TNIK: variants seen among roughly 807,000 people sequenced by gnomAD.
The protein encoded by TNIK is TRAF2 and NCK interacting kinase, also known as TRAF2 and NCK-interacting protein kinase.
A neutral mutation model predicts 191.3 loss-of-function variants in TNIK; 49 were observed. That is an observed-to-expected ratio of 0.26 (90% CI 0.20 to 0.32). The LOEUF (loss-of-function observed/expected upper bound fraction) is 0.32. Among genes scored for constraint, TNIK ranks in the 10% least tolerant of loss-of-function variants. The pLI is 1.00. For synonymous variants in TNIK, 594 were observed against 600.9 expected, an observed-to-expected ratio of 0.99 and a Z score of 0.17; for missense variants, 1,155 against 1,702.3, an observed-to-expected ratio of 0.68 and a Z score of 5.66.
chr3:171,161,400 C>T (rs1263166175), intron 10 of TNIK, 64 bp from the exon 11 acceptor site: 25 of 1,448,610 alleles, frequency 1.7e-5, no homozygotes, highest in Admixed American at 3.6e-5. Flanking sequence ...AGCCCAACCC[C>T]GTCTCTTATA....
At chr3:171,150,607 TG>T (rs1204826966) in intron 12 of TNIK, among the ~76,000 whole-genome samples, 1 of 152,238 alleles carries the variant, frequency 6.6e-6, no homozygotes, top group Non-Finnish European at 1.5e-5. Context: ...CAAGAAATAC[TG>T]ATAAGATAAT....
chr3:171,319,101 C>G (rs572620091), intron 2 of TNIK, among the ~76,000 whole-genome samples: 5 of 152,204 alleles, frequency 3.3e-5, no homozygotes, highest in African/African-American at 1.2e-4. Context: ...ATTTCTGGAG[C>G]CCGGGATTTC....
At chr3:171,435,178 A>G (rs1725883421) in intron 1 of TNIK, among the ~76,000 whole-genome samples, 1 of 152,138 alleles carries the variant, frequency 6.6e-6, no homozygotes, top group Non-Finnish European at 1.5e-5. Flanking sequence ...CTTTTTACAT[A>G]TTTACTTGTA....
intron 2 of TNIK, among the ~76,000 whole-genome samples, chr3:171,295,324 G>A (rs940091201): frequency 6.6e-6 from 1 of 152,184 alleles, no homozygotes; most frequent in Non-Finnish European, 1.5e-5. Flanking sequence ...TTATAAGGAT[G>A]ACTTAAGATA....
chr3:171,356,439 G>A (rs1423750623), intron 2 of TNIK, among the ~76,000 whole-genome samples: 4 of 152,128 alleles, frequency 2.6e-5, no homozygotes, highest in African/African-American at 7.2e-5. Context: ...CATTTACTAA[G>A]AAATCAATGA....
intron 2 of TNIK, among the ~76,000 whole-genome samples, chr3:171,353,583 G>A (rs371408367): frequency 3.9e-5 from 6 of 152,094 alleles, no homozygotes; most frequent in African/African-American, 1.4e-4. Context: ...GACAAGAACT[G>A]CCAACCAAAG....
At chr3:171,309,432 AAAC>A (rs1315400704) in intron 2 of TNIK, among the ~76,000 whole-genome samples, 1 of 152,162 alleles carries the variant, frequency 6.6e-6, no homozygotes, top group Admixed American at 6.6e-5. Flanking sequence ...GGTGAGGATC[AAAC>A]AACTATCTAT....
intron 12 of TNIK, 62 bp from the exon 13 acceptor site, chr3:171,140,571 C>G: frequency 1.3e-6 from 2 of 1,510,498 alleles, no homozygotes; most frequent in South Asian, 2.2e-5. Flanking sequence ...TGTCAGGGAG[C>G]CAGCAGGAAA....
intron 2 of TNIK, among the ~76,000 whole-genome samples, chr3:171,282,543 C>T (rs1418418762): frequency 1.3e-5 from 2 of 151,980 alleles, no homozygotes; most frequent in East Asian, 3.9e-4. Flanking sequence ...GGGGTTTCGC[C>T]ATGTTGGCCA....
At chr3:171,216,707 A>C (rs13091938) in intron 3 of TNIK, among the ~76,000 whole-genome samples, 16,863 of 152,194 alleles carry the variant, frequency 0.11, 1,085 homozygotes, top group East Asian at 0.27. Flanking sequence ...TAAACATGTA[A>C]ATCACCTAAA....
intron 2 of TNIK, among the ~76,000 whole-genome samples, chr3:171,303,249 ACAGT>A (rs1277212929): frequency 1.3e-5 from 2 of 152,202 alleles, no homozygotes; most frequent in African/African-American, 4.8e-5. Flanking sequence ...TAAGTTGGAG[ACAGT>A]CAGCCCTGCC....
At chr3:171,190,671 C>T in intron 6 of TNIK, 26 bp downstream of exon 6, 12 of 1,543,034 alleles carry the variant, frequency 7.8e-6, no homozygotes, top group Non-Finnish European at 1.1e-5. Context: ...CCTGCAATTC[C>T]AAGGCTCACA....
intron 23 of TNIK, among the ~76,000 whole-genome samples, chr3:171,090,016 A>G (rs1399639088): frequency 1.3e-5 from 2 of 152,144 alleles, no homozygotes; most frequent in Non-Finnish European, 2.9e-5. Context: ...GCCAAGAGGG[A>G]CCAGATTCCC....
At chr3:171,452,921 C>A (rs1045870465) in intron 1 of TNIK, among the ~76,000 whole-genome samples, 3 of 152,074 alleles carry the variant, frequency 2.0e-5, no homozygotes, top group East Asian at 1.9e-4. Context: ...TTGGTGCCCC[C>A]GGAATTGTAC....
chr3:171,366,027 C>T lies in TNIK; in HGVS notation c.123+3593G>A, dbSNP rs1052236746. Among the ~76,000 whole-genome samples the T allele has an allele frequency of 6.6e-6, 1 of 152,164 alleles. No homozygotes were observed. Among genetic ancestry groups the T allele is most frequent in the Non-Finnish European group, 1.5e-5 (1 of 68,028 alleles). On this transcript the variant is annotated intron_variant, in intron 2 of 32. Coordinates refer to ENST00000436636, the MANE Select transcript of TNIK (RefSeq NM_015028.4). This position sits in a 1 kb window ranked among gnomAD's most constrained non-coding sequence, Gnocchi z 4.1. ...TGGTATCTTACCAGTAAACATTAAA[C>T]AATTATTTCAATTTATTAAAAGAAT...
chr3:171,316,981 TC>T (rs1754695574), intron 2 of TNIK, among the ~76,000 whole-genome samples: 2 of 141,050 alleles, frequency 1.4e-5, no homozygotes, highest in Non-Finnish European at 3.0e-5. Flanking sequence ...ATGATATATA[TC>T]ATATAAAATA....
At chr3:171,238,632 G>C (rs1473107127) in intron 2 of TNIK, among the ~76,000 whole-genome samples, 7 of 151,996 alleles carry the variant, frequency 4.6e-5, no homozygotes, top group Admixed American at 2.6e-4. Flanking sequence ...GCAATAATTG[G>C]GTCTAAAATG....
At position 171,225,303 on chromosome 3, in the gene TNIK, T is replaced by C. The variant is rs148518213; in HGVS notation, c.180+2862A>G. Among the ~76,000 whole-genome samples, 55 of 152,352 alleles carry C rather than the reference T, an allele frequency of 3.6e-4. 1 individual carries two copies. Among genetic ancestry groups the C allele is most frequent in the African/African-American group, 8.4e-4 (35 of 41,590 alleles). ...TGTAAGGGGGTGATACAAAAGTCTC[T>C]TGATGCCACATCAGACACCACAAAA... On this transcript the variant is annotated intron_variant, in intron 3 of 32. Coordinates refer to ENST00000436636, the MANE Select transcript of TNIK (RefSeq NM_015028.4).
At chr3:171,079,715 A>T in intron 27 of TNIK, 63 bp from the exon 28 acceptor site, 1 of 1,492,584 alleles carries the variant, frequency 6.7e-7, no homozygotes, top group Middle Eastern at 2.1e-4. Context: ...TTCCTTCCCC[A>T]CCTCCATTTA....
Sources: gnomAD v4.1 joint callset for allele counts (sites outside exome capture counted in the v4.1 genomes callset) on GRCh38, gnomAD v4.1.1 for gene constraint, Gnocchi (gnomAD v3.1) non-coding constraint, MANE v1.5 for transcripts, NCBI Gene and HGNC (gene_info 2026-07-23, HGNC 2026-07-21) for gene names.